Variants in GRID1 observed in about 807,000 individuals in gnomAD.
The protein encoded by GRID1 is glutamate ionotropic receptor delta type subunit 1, also known as glutamate receptor ionotropic, delta-1.
Under a neutral mutation model 98.0 loss-of-function variants are expected in GRID1, and 28 were observed. The ratio of observed to expected loss-of-function variants is 0.29; its 90% CI spans 0.21 to 0.39. The LOEUF (loss-of-function observed/expected upper bound fraction) is 0.39. GRID1 is among the 10% of genes least tolerant of loss of function. The pLI, the probability that GRID1 is intolerant of heterozygous loss-of-function variation, is 1.00. For synonymous variants in GRID1, 553 were observed against 538.5 expected (o/e 1.03, Z -0.37); for missense variants, 1,111 against 1,340.5 (o/e 0.83, Z 2.67).
chr10:85,901,596 A>G (rs1841390553), intron 5 of GRID1, among the ~76,000 whole-genome samples: 2 of 152,072 alleles, frequency 1.3e-5, no homozygotes, highest in Admixed American at 1.3e-4. Flanking sequence ...TTTAATCTTC[A>G]TGACTGTCCT....
At chr10:86,145,494 A>G (rs934004097) in intron 3 of GRID1, among the ~76,000 whole-genome samples, 1 of 151,762 alleles carries the variant, frequency 6.6e-6, no homozygotes, top group African/African-American at 2.4e-5. Flanking sequence ...CAAACCATGT[A>G]CCTTGGGATC....
intron 2 of GRID1, among the ~76,000 whole-genome samples, chr10:86,352,083 A>G (rs1848471289): frequency 6.6e-6 from 1 of 152,218 alleles, no homozygotes; most frequent in Non-Finnish European, 1.5e-5. Flanking sequence ...CGAGCGGATC[A>G]CAAGGTCAGG....
intron 12 of GRID1, among the ~76,000 whole-genome samples, chr10:85,714,212 C>A (rs543272797): frequency 6.6e-6 from 1 of 151,826 alleles, no homozygotes; most frequent in Non-Finnish European, 1.5e-5. Flanking sequence ...AACAAGAACA[C>A]ATGGATAGAT....
chr10:86,301,416 G>T (rs10887575), intron 2 of GRID1, among the ~76,000 whole-genome samples: 104,846 of 152,244 alleles, frequency 0.69, 38,919 homozygotes, highest in Non-Finnish European at 0.83. Context: ...CAGCATAAAA[G>T]AAGATATAAA....
chr10:85,800,237 C>G (rs918272673), intron 8 of GRID1, among the ~76,000 whole-genome samples: 1 of 151,188 alleles, frequency 6.6e-6, no homozygotes, highest in Non-Finnish European at 1.5e-5. Context: ...AACCAATGGC[C>G]AAAATTATAG....
At chr10:85,954,208 G>GTACCT (rs1842161309) in intron 4 of GRID1, among the ~76,000 whole-genome samples, 1 of 152,162 alleles carries the variant, frequency 6.6e-6, no homozygotes. Context: ...AATGAAGATA[G>GTACCT]TACCTGGATA....
At chr10:86,181,343 T>C (rs551743292) in intron 3 of GRID1, among the ~76,000 whole-genome samples, 7 of 150,648 alleles carry the variant, frequency 4.6e-5, no homozygotes, top group African/African-American at 7.4e-5. Flanking sequence ...CCCTGGGAAA[T>C]GGAGTGCTTG....
chr10:85,789,892 C>T (rs2132738723), intron 8 of GRID1, among the ~76,000 whole-genome samples: 1 of 152,288 alleles, frequency 6.6e-6, no homozygotes, highest in African/African-American at 2.4e-5. Flanking sequence ...GGCCCTGGGA[C>T]CCTCTGGCTT....
intron 12 of GRID1, among the ~76,000 whole-genome samples, chr10:85,660,816 G>A (rs1840957292): frequency 6.6e-6 from 1 of 152,074 alleles, no homozygotes; most frequent in Non-Finnish European, 1.5e-5. Context: ...GAGTGGCAGG[G>A]CAGGGAAGGA....
intron 4 of GRID1, among the ~76,000 whole-genome samples, chr10:86,040,054 G>A (rs971991879): frequency 1.4e-4 from 22 of 152,250 alleles, no homozygotes; most frequent in Middle Eastern, 3.4e-3. Flanking sequence ...AGTGCCTGCC[G>A]CATTTCAGGT....
chr10:85,901,499 T>C (rs987340941), intron 5 of GRID1, among the ~76,000 whole-genome samples: 3 of 152,154 alleles, frequency 2.0e-5, no homozygotes, highest in African/African-American at 4.8e-5. Context: ...CTGCCCGCCT[T>C]GGCCTCCCAA....
chr10:86,345,512 C>A (rs940182244), intron 2 of GRID1, among the ~76,000 whole-genome samples: 1 of 152,212 alleles, frequency 6.6e-6, no homozygotes, highest in Non-Finnish European at 1.5e-5. Flanking sequence ...TAGGGATGGG[C>A]CTCAGCCATG....
intron 3 of GRID1, among the ~76,000 whole-genome samples, chr10:86,187,551 C>A (rs1476731864): frequency 6.6e-6 from 1 of 152,158 alleles, no homozygotes; most frequent in Non-Finnish European, 1.5e-5. Flanking sequence ...CTGAACGAGA[C>A]CAGGAAATGT....
At chr10:85,628,197 G>C (rs756359670) in intron 13 of GRID1, among the ~76,000 whole-genome samples, 1 of 151,972 alleles carries the variant, frequency 6.6e-6, no homozygotes, top group Non-Finnish European at 1.5e-5. Context: ...GCATGGGAAT[G>C]TGTGTGTGTA....
chr10:85,940,396 A>C (rs1841983956), intron 4 of GRID1, among the ~76,000 whole-genome samples: 1 of 152,164 alleles, frequency 6.6e-6, no homozygotes, highest in Admixed American at 6.5e-5. Context: ...AGCTGAGCTG[A>C]GAGTAGTGAT....
intron 12 of GRID1, among the ~76,000 whole-genome samples, chr10:85,663,292 C>T (rs1398131691): frequency 6.6e-6 from 1 of 152,168 alleles, no homozygotes; most frequent in Admixed American, 6.5e-5. Context: ...ACACAGATAC[C>T]TACACAGGCA....
chr10:85,682,849 C>T (rs1008287187), intron 12 of GRID1, among the ~76,000 whole-genome samples: 4 of 152,190 alleles, frequency 2.6e-5, no homozygotes, highest in African/African-American at 7.2e-5. Flanking sequence ...CACAAGCCTG[C>T]CTGTTGTGAG....
At chr10:85,650,400 G>A (rs951545657) in intron 12 of GRID1, 2 of 152,036 alleles carry the variant, frequency 1.3e-5, no homozygotes, top group African/African-American at 4.8e-5. Context: ...AGATGAAGGA[G>A]ACGTGCCTAT....
chr10:85,694,720 A>G (rs1841374656), intron 12 of GRID1, among the ~76,000 whole-genome samples: 1 of 150,022 alleles, frequency 6.7e-6, no homozygotes, highest in East Asian at 2.0e-4. Flanking sequence ...CAAATTCCTC[A>G]TATTCATTTT....
Sources: allele counts gnomAD v4.1 joint callset (sites outside exome capture counted in the v4.1 genomes callset), GRCh38; gene constraint gnomAD v4.1.1; transcripts MANE v1.5; gene names NCBI Gene and HGNC (gene_info 2026-07-23, HGNC 2026-07-21).